Variants in AK4 observed in about 807,000 individuals in gnomAD.
AK4 encodes adenylate kinase 4.
Under a neutral mutation model 24.6 loss-of-function variants are expected in AK4, and 13 were observed. The ratio of observed to expected loss-of-function variants is 0.53; its 90% CI spans 0.34 to 0.84. The LOEUF is 0.84. Ranked by LOEUF, AK4 falls within the 40% of genes least tolerant of loss-of-function variation. The probability of loss-of-function intolerance (pLI) is 0.01; values close to 1 mark genes in which losing one functional copy is unlikely to be tolerated. For missense variants in AK4, 192 were observed against 288.2 expected (o/e 0.67, Z 2.42); for synonymous variants, 88 against 107.0 (o/e 0.82, Z 1.10).
chr1:65,151,576 T>C (rs1447387314), intron 1 of AK4, among the ~76,000 whole-genome samples: 1 of 152,138 alleles, frequency 6.6e-6, no homozygotes, highest in African/African-American at 2.4e-5. Context: ...GCCTATACCA[T>C]TGTACAATTT....
chr1:65,220,776 CTGAAAGTATTTTTCAA>C (rs1270988893), intron 3 of AK4, among the ~76,000 whole-genome samples: 7 of 152,160 alleles, frequency 4.6e-5, no homozygotes, highest in Admixed American at 1.3e-4. Flanking sequence ...GCGCATGGCC[CTGAAAGTATTTTTCAA>C]TGAGAAGTGC....
chr1:65,152,313 GCTATCTCTCTCT>G (rs1443321251), intron 1 of AK4, among the ~76,000 whole-genome samples: 16 of 62,910 alleles, frequency 2.5e-4, no homozygotes, highest in African/African-American at 1.0e-3. Context: ...TTCTGCACTT[GCTATCTCTCTCT>G]CTCTCTCTCT....
intron 2 of AK4, among the ~76,000 whole-genome samples, chr1:65,208,543 A>G (rs1651876777): frequency 6.6e-6 from 1 of 152,182 alleles, no homozygotes; most frequent in Non-Finnish European, 1.5e-5. Context: ...GTTCTTACTT[A>G]TTCAACAACT....
At chr1:65,207,163 A>C (rs1217946577) in intron 2 of AK4, among the ~76,000 whole-genome samples, 1 of 152,154 alleles carries the variant, frequency 6.6e-6, no homozygotes, top group African/African-American at 2.4e-5. Flanking sequence ...TGATTGTAGC[A>C]TATCTAGGTT....
At chr1:65,187,737 G>T (rs1651151699) in intron 1 of AK4, among the ~76,000 whole-genome samples, 1 of 152,208 alleles carries the variant, frequency 6.6e-6, no homozygotes, top group Admixed American at 6.5e-5. Context: ...AATGGTGGTG[G>T]TTGTTGCTCT....
intron 1 of AK4, among the ~76,000 whole-genome samples, chr1:65,161,153 A>C (rs968579772): frequency 6.6e-6 from 1 of 152,106 alleles, no homozygotes; most frequent in Non-Finnish European, 1.5e-5. Context: ...CCATGATCAA[A>C]AGGACCAAAG....
intron 1 of AK4, among the ~76,000 whole-genome samples, chr1:65,184,901 A>G (rs1651044803): frequency 6.6e-6 from 1 of 152,220 alleles, no homozygotes; most frequent in Admixed American, 6.5e-5. Context: ...ATCAGGTTAG[A>G]GGACATGTTG....
In AK4 at chr1:65,230,992, C is replaced by T. The variant is rs1184855373; in HGVS notation, c.*4815C>T. 6.6e-6 allele frequency: 1 copy of T among 152,116 alleles called. No homozygotes were observed. Among genetic ancestry groups the T allele is most frequent in the African/African-American group, 2.4e-5 (1 of 41,424 alleles). The allele number at this position is 152,116 out of a possible 1,614,324, so 9.4% of individuals were successfully genotyped here. A position where few individuals can be genotyped will look rare whatever the true frequency, so the allele number is the denominator to read the frequency against. ...TCCTGTTCATAGTATGACTTGCTTTCTCAATATCTCCTTCAATTTTTAGTA... is the reference window on the plus strand; with the variant it reads ...TCCTGTTCATAGTATGACTTGCTTTTTCAATATCTCCTTCAATTTTTAGTA... On this transcript the variant is annotated 3_prime_UTR_variant, in exon 5 of 5. Coordinates refer to ENST00000327299, the MANE Select transcript of AK4 (RefSeq NM_013410.4).
At chr1:65,176,309 C>T (rs986482603) in intron 1 of AK4, among the ~76,000 whole-genome samples, 1 of 152,030 alleles carries the variant, frequency 6.6e-6, no homozygotes, top group Non-Finnish European at 1.5e-5. Context: ...TTTCTGGACC[C>T]TGGGTACAAA....
At position 65,230,612 on chromosome 1, in the gene AK4, G is replaced by A. The variant is rs1570157989; in HGVS notation, c.*4435G>A. The A allele has an allele frequency of 2.6e-5, 4 of 152,280 alleles. No homozygotes were observed. The South Asian group carries it at 8.3e-4, about 32-fold the overall frequency. The allele number at this position is 152,280 out of a possible 1,614,324, so 9.4% of individuals were successfully genotyped here. On this transcript the variant is annotated 3_prime_UTR_variant, in exon 5 of 5. Coordinates refer to ENST00000327299, the MANE Select transcript of AK4 (RefSeq NM_013410.4). Reference sequence around the variant, plus strand: ...TTGTATTATAAATGGAAATAATCCTGTTTATTTAAACGGGTTTTCATGTAC... The same window carrying A: ...TTGTATTATAAATGGAAATAATCCTATTTATTTAAACGGGTTTTCATGTAC...
At chr1:65,160,473 C>T (rs1557438868) in intron 1 of AK4, among the ~76,000 whole-genome samples, 1 of 152,202 alleles carries the variant, frequency 6.6e-6, no homozygotes, top group Non-Finnish European at 1.5e-5. Context: ...GACAGGGTCT[C>T]ACTTTATTGG....
At chr1:65,190,456 G>GGGGCGGGAGGA (rs1651268013) in intron 1 of AK4, among the ~76,000 whole-genome samples, 2 of 144,580 alleles carry the variant, frequency 1.4e-5, no homozygotes, top group Non-Finnish European at 3.0e-5. Context: ...TTTTGGGGGG[G>GGGGCGGGAGGA]GGGCGGGAGG....
chr1:65,192,775 T>C (rs1457046834), intron 2 of AK4, among the ~76,000 whole-genome samples: 1 of 152,034 alleles, frequency 6.6e-6, no homozygotes, highest in Non-Finnish European at 1.5e-5. Context: ...AAGGAAGAAA[T>C]AGGCAAGAAG....
intron 2 of AK4, among the ~76,000 whole-genome samples, chr1:65,204,203 A>AT (rs35676370): frequency 0.026 from 3,739 of 144,032 alleles, 117 homozygotes; most frequent in East Asian, 0.17. Context: ...ATCTTACTGA[A>AT]TTTTTTTTTT....
chr1:65,225,441 A>G (rs542779066), intron 4 of AK4, among the ~76,000 whole-genome samples: 1 of 152,318 alleles, frequency 6.6e-6, no homozygotes, highest in African/African-American at 2.4e-5. Context: ...TAGGGCACGC[A>G]GGCCAATGAT....
chr1:65,221,327 T>C (rs1234679058), intron 3 of AK4, among the ~76,000 whole-genome samples: 3 of 152,196 alleles, frequency 2.0e-5, no homozygotes, highest in African/African-American at 7.2e-5. Context: ...GTAATTACTA[T>C]AGAAAATTTC....
intron 2 of AK4, among the ~76,000 whole-genome samples, chr1:65,195,581 C>G (rs948432460): frequency 4.6e-5 from 7 of 152,156 alleles, no homozygotes; most frequent in Non-Finnish European, 1.0e-4. Flanking sequence ...AGCATGGACC[C>G]GGGTGCTGCC....
In AK4 at chr1:65,230,916, TCTTTC is replaced by T. The variant is rs1170909473; in HGVS notation, c.*4745_*4749del. On this transcript the variant is annotated 3_prime_UTR_variant, in exon 5 of 5. Transcript: ENST00000327299. ...GTTTATTACCTTTCATTTGACAGTG[TCTTTC>T]CTTTCTGCAGTTGATTTTGCTAGAG... 2.0e-5 allele frequency: 3 copies of T among 152,208 alleles called. No individual in the cohort carries two copies. Among genetic ancestry groups the T allele is most frequent in the Non-Finnish European group, 4.4e-5 (3 of 68,022 alleles). The allele number at this position is 152,208 out of a possible 1,614,324, so 9.4% of individuals were successfully genotyped here. A position where few individuals can be genotyped will look rare whatever the true frequency, so the allele number is the denominator to read the frequency against.
intron 1 of AK4, chr1:65,154,546 G>T (rs543525791): frequency 5.7e-6 from 3 of 525,148 alleles, no homozygotes; most frequent in Non-Finnish European, 1.1e-5. Context: ...CTCTTGTCGC[G>T]TCTGTTCAAA....
Sources: gnomAD v4.1 joint callset for allele counts (sites outside exome capture counted in the v4.1 genomes callset) on GRCh38, gnomAD v4.1.1 for gene constraint, MANE v1.5 for transcripts, NCBI Gene and HGNC (gene_info 2026-07-23, HGNC 2026-07-21) for gene names.